UBE3B: variants seen among roughly 807,000 people sequenced by gnomAD.
The protein encoded by UBE3B is ubiquitin-protein ligase E3B.
In UBE3B, 80 loss-of-function variants were observed where a neutral mutation model predicts 132.3. The ratio of observed to expected loss-of-function variants is 0.60; its 90% CI spans 0.50 to 0.73. The LOEUF is 0.73. Among genes scored for constraint, UBE3B ranks in the 30% least tolerant of loss-of-function variants. The pLI, the probability that UBE3B is intolerant of heterozygous loss-of-function variation, is 0.00. For missense variants in UBE3B, 1,196 were observed against 1,362.5 expected, an observed-to-expected ratio of 0.88 and a Z score of 1.92; for synonymous variants, 487 against 520.4, an observed-to-expected ratio of 0.94 and a Z score of 0.87.
rs61551572 is a variant in UBE3B at position 109,501,244 on chromosome 12, C to T, written c.1119-127C>T. 2.5e-3 allele frequency: 2,829 copies of T among 1,152,780 alleles called. 77 individuals carry two copies. The African/African-American group carries it at 0.041, about 17-fold the overall frequency. The allele number at this position is 1,152,780 out of a possible 1,614,324, so 71.4% of individuals were successfully genotyped here. ...TTCCACTTTTTATTTTTGTAATCTT[C>T]TTTGCCATGTTGAGTGCCAGGTCCT... On this transcript the variant is annotated intron_variant, in intron 12 of 27. Coordinates refer to ENST00000342494, the MANE Select transcript of UBE3B (RefSeq NM_130466.4).
At chr12:109,523,428 A>G (rs139807522) in intron 21 of UBE3B, among the ~76,000 whole-genome samples, 6 of 152,134 alleles carry the variant, frequency 3.9e-5, no homozygotes, top group Non-Finnish European at 7.4e-5. Context: ...CTGCATCCTC[A>G]TTGGACATAG....
At chr12:109,488,489 C>A in intron 6 of UBE3B, 83 bp from the exon 7 acceptor site, 1 of 1,232,682 alleles carries the variant, frequency 8.1e-7, no homozygotes, top group Non-Finnish European at 1.2e-6. Context: ...GCTGAGTGCC[C>A]ATAGAGCAGT....
At chr12:109,511,752 G>C (rs149355888) in intron 18 of UBE3B, among the ~76,000 whole-genome samples, 267 of 152,272 alleles carry the variant, frequency 1.8e-3, no homozygotes, top group Non-Finnish European at 3.4e-3. Context: ...GGGAGCAAGG[G>C]CTTTCTGCAA....
At chr12:109,540,735 A>T (rs1883593946), downstream of UBE3B, among the ~76,000 whole-genome samples, 1 of 152,224 alleles carries the variant, frequency 6.6e-6, no homozygotes, top group African/African-American at 2.4e-5. Context: ...CCCTTCCAGG[A>T]CTGCCCCTCA....
At chr12:109,538,548 C>G (rs1307166105), downstream of UBE3B, among the ~76,000 whole-genome samples, 1 of 152,190 alleles carries the variant, frequency 6.6e-6, no homozygotes, top group Non-Finnish European at 1.5e-5. This position sits in a 1 kb window ranked among gnomAD's most constrained non-coding sequence, Gnocchi z 4.1. Flanking sequence ...ATATGACGCA[C>G]CCAGCGCAGC....
In UBE3B at chr12:109,522,990, T is replaced by G. The variant is rs187240973; in HGVS notation, c.2365-988T>G. On this transcript the variant is annotated intron_variant, in intron 21 of 27. Transcript: ENST00000342494. This position sits in a 1 kb window ranked among gnomAD's most constrained non-coding sequence, Gnocchi z 4.2. ...CCTGGGCCACCTGGAAAGCATGGCC[T>G]CCTGGCTTCTCTGAATGTCATGCCA... is the stretch of plus-strand genomic sequence containing the variant. Among the ~76,000 whole-genome samples the G allele has an allele frequency of 4.7e-4, 71 of 152,358 alleles. No homozygotes were observed. The highest frequency in any genetic ancestry group is 1.3e-3 in the African/African-American group (53 of 41,584).
intron 1 of UBE3B, among the ~76,000 whole-genome samples, chr12:109,479,692 G>T (rs1242699535): frequency 6.6e-6 from 1 of 152,208 alleles, no homozygotes; most frequent in Non-Finnish European, 1.5e-5. Flanking sequence ...GAGAAAAACT[G>T]TAAAGTGTAG....
Position 109,501,367 on chromosome 12 carries a change from C to A in UBE3B, c.1119-4C>A, listed in dbSNP as rs777168095. ...CAGACCAGGTCTCCTCTGCTCTCTC[C>A]TAGCCTTAACGAGTCAATGCACTTG... On this transcript the variant is annotated splice_region_variant and splice_polypyrimidine_tract_variant and intron_variant, in intron 12 of 27. Coordinates refer to ENST00000342494, the MANE Select transcript of UBE3B (RefSeq NM_130466.4). 4.0e-5 allele frequency: 65 copies of A among 1,613,924 alleles called. No homozygotes were observed. In the South Asian group the frequency reaches 5.8e-4, roughly 14 times the overall value.
chr12:109,480,040 A>G (rs1214299141), intron 1 of UBE3B, among the ~76,000 whole-genome samples: 4 of 152,176 alleles, frequency 2.6e-5, no homozygotes, highest in Non-Finnish European at 5.9e-5. Flanking sequence ...CAACAGGGCC[A>G]GGAGTTCATA....
chr12:109,543,189 G>A, the UBE3B span, among the ~76,000 whole-genome samples: 139 of 152,358 alleles, frequency 9.1e-4, no homozygotes, highest in African/African-American at 2.6e-3. Context: ...GAAGGGCTGC[G>A]TGTGCGTGTG....
At chr12:109,523,862 G>C in intron 21 of UBE3B, 116 bp from the exon 22 acceptor site, 1 of 1,448,852 alleles carries the variant, frequency 6.9e-7, no homozygotes, top group Non-Finnish European at 9.4e-7. Flanking sequence ...AAACTTAGGA[G>C]GGGCCTGGAA....
Position 109,521,541 on chromosome 12 carries a change from C to T in UBE3B, c.2354C>T (p.Ala785Val). ...TTTGTGGGGAAGATGCTGGGGAAGG[C>T]TGTGTATGAGGTAGGAACGTTAAGA... ...FEFVGKMLGKAVYEGIVVDVP... is the reference protein window; with the variant it reads ...FEFVGKMLGKVVYEGIVVDVP... Residue 785 changes from alanine to valine, a missense_variant, in exon 21 of 28, where the codon GCT (alanine) becomes GTT (valine). Transcript: ENST00000342494. The surrounding 1 kb of genome is among the most constrained non-coding windows in gnomAD (Gnocchi z 4.2). 1 of 1,590,596 alleles carries T rather than the reference C, an allele frequency of 6.3e-7. No homozygotes were observed. The highest frequency in any genetic ancestry group is 1.1e-5 in the South Asian group (1 of 87,890).
Position 109,516,857 on chromosome 12 carries a change from C to G in UBE3B, c.2049C>G (p.Ile683Met). 1 of 1,614,108 alleles carries G rather than the reference C, an allele frequency of 6.2e-7. No individual in the cohort carries two copies. Among genetic ancestry groups the G allele is most frequent in the East Asian group, 2.2e-5 (1 of 44,860 alleles). The change falls in exon 19 of 28, where the codon ATC becomes ATG. Residue 683 changes from isoleucine (I) to methionine (M), a missense_variant. Physicochemically the swap from Ile to Met is conservative, Grantham distance 10. Transcript: ENST00000342494. ...CTGCCTCCCCGCATGTCACTCACAT[C>G]ACCATCCGCCGGTCCAGGATGCTGG... The part of the protein sequence containing the change: ...TSSASPHVTH[I>M]TIRRSRMLED...
intron 9 of UBE3B, among the ~76,000 whole-genome samples, chr12:109,494,734 G>T (rs192260574): frequency 6.6e-6 from 1 of 152,152 alleles, no homozygotes; most frequent in South Asian, 2.1e-4. Flanking sequence ...CAGTGTGTGT[G>T]GTTTTTTGAG....
At chr12:109,483,408 T>G (rs1592872513) in intron 2 of UBE3B, 123 bp from the exon 3 acceptor site, 1 of 951,168 alleles carries the variant, frequency 1.1e-6, no homozygotes, top group Non-Finnish European at 1.5e-6. Flanking sequence ...CTTTGGAGGG[T>G]GTTGACAGGT....
At chr12:109,547,722 C>T in the UBE3B span, among the ~76,000 whole-genome samples, 205 of 152,268 alleles carry the variant, frequency 1.3e-3, no homozygotes, top group African/African-American at 4.8e-3. The surrounding 1 kb of genome is among the most constrained non-coding windows in gnomAD (Gnocchi z 4.1). Flanking sequence ...ACGCCAAAAC[C>T]CTATAATAAG....
downstream of UBE3B, among the ~76,000 whole-genome samples, chr12:109,541,551 A>G (rs985747656): frequency 6.6e-6 from 1 of 152,258 alleles, no homozygotes; most frequent in African/African-American, 2.4e-5. Context: ...GGGGCCAGGC[A>G]GGGTGGAGTA....
intron 26 of UBE3B, 24 bp downstream of exon 26, chr12:109,530,682 T>C (rs1266542313): frequency 1.9e-6 from 3 of 1,597,950 alleles, no homozygotes; most frequent in Non-Finnish European, 2.6e-6. Flanking sequence ...TACCTATGCA[T>C]GCATGCATGT....
At chr12:109,502,316 A>G (rs1382749546) in intron 13 of UBE3B, among the ~76,000 whole-genome samples, 4 of 152,214 alleles carry the variant, frequency 2.6e-5, no homozygotes, top group African/African-American at 4.8e-5. Flanking sequence ...ACTGAACCAC[A>G]GGCGGGGCTA....
Sources: allele counts gnomAD v4.1 joint callset (sites outside exome capture counted in the v4.1 genomes callset), GRCh38; gene constraint gnomAD v4.1.1; non-coding constraint Gnocchi (gnomAD v3.1); transcripts MANE v1.5; gene names NCBI Gene and HGNC (gene_info 2026-07-23, HGNC 2026-07-21).